Variants in HOMER1 observed in about 807,000 individuals in gnomAD.
The protein encoded by HOMER1 is homer scaffold protein 1.
In HOMER1, 3 loss-of-function variants were observed where a neutral mutation model predicts 48.9. The ratio of observed to expected loss-of-function variants is 0.06; its 90% CI spans 0.03 to 0.16. The LOEUF (loss-of-function observed/expected upper bound fraction) is 0.16, where lower values mean the gene tolerates loss of function less well. HOMER1 is among the 10% of genes least tolerant of loss of function. HOMER1 has a pLI of 1.00. For missense variants in HOMER1, 247 were observed against 411.4 expected, an observed-to-expected ratio of 0.60 and a Z score of 3.46; for synonymous variants, 134 against 146.4, an observed-to-expected ratio of 0.92 and a Z score of 0.61.
At chr5:79,502,709 T>C (rs1318550657) in intron 1 of HOMER1, among the ~76,000 whole-genome samples, 1 of 152,254 alleles carries the variant, frequency 6.6e-6, no homozygotes, top group Non-Finnish European at 1.5e-5. Context: ...GATTTTACAC[T>C]GACTACTCAG....
At chr5:79,433,187 A>G (rs1750470381) in intron 5 of HOMER1, among the ~76,000 whole-genome samples, 1 of 152,182 alleles carries the variant, frequency 6.6e-6, no homozygotes, top group African/African-American at 2.4e-5. Flanking sequence ...CACAGTGTGG[A>G]GAATATAGTA....
At chr5:79,380,818 C>T (rs891435772) in intron 8 of HOMER1, among the ~76,000 whole-genome samples, 4 of 152,152 alleles carry the variant, frequency 2.6e-5, no homozygotes, top group Non-Finnish European at 5.9e-5. Context: ...TTCCTGGCTG[C>T]TACCACCACA....
At chr5:79,512,566 T>C (rs1752972407) in intron 1 of HOMER1, among the ~76,000 whole-genome samples, 2 of 152,250 alleles carry the variant, frequency 1.3e-5, no homozygotes, top group Non-Finnish European at 2.9e-5. Context: ...AAACGATATA[T>C]GTGTTTTTAA....
At chr5:79,434,374 T>C (rs1189982684) in intron 5 of HOMER1, among the ~76,000 whole-genome samples, 1 of 152,020 alleles carries the variant, frequency 6.6e-6, no homozygotes, top group African/African-American at 2.4e-5. Context: ...TCTAGAATTC[T>C]AGACAGCTGA....
At chr5:79,412,211 T>A (rs1453514815) in intron 5 of HOMER1, among the ~76,000 whole-genome samples, 1 of 152,162 alleles carries the variant, frequency 6.6e-6, no homozygotes, top group African/African-American at 2.4e-5. Flanking sequence ...GTGGGGTCAA[T>A]CCCTAACTAT....
intron 5 of HOMER1, among the ~76,000 whole-genome samples, chr5:79,426,212 A>T (rs1020325119): frequency 5.9e-5 from 9 of 152,230 alleles, no homozygotes; most frequent in African/African-American, 2.2e-4. Context: ...AGAACTGTGG[A>T]TGTTCCTTAA....
Position 79,459,435 on chromosome 5 carries a change from T to C in HOMER1, c.6-2417A>G, listed in dbSNP as rs149062842. On this transcript the variant is annotated intron_variant, in intron 1 of 8. Coordinates refer to ENST00000334082, the MANE Select transcript of HOMER1 (RefSeq NM_004272.5). ...GCCATTTGAATATCAACTAAATACA[T>C]AGCTTTCTTTAATTCTCTTCTGAAC... Among the ~76,000 whole-genome samples the C allele has an allele frequency of 3.2e-4, 48 of 152,314 alleles. No homozygotes were observed. In the East Asian group the frequency reaches 9.1e-3, roughly 29 times the overall value.
intron 4 of HOMER1, among the ~76,000 whole-genome samples, chr5:79,445,824 G>C (rs1184991582): frequency 1.3e-5 from 2 of 152,212 alleles, no homozygotes; most frequent in Non-Finnish European, 2.9e-5. Flanking sequence ...TGAGGCATGA[G>C]AATCACTTGA....
At chr5:79,456,817 A>C in intron 2 of HOMER1, 45 bp downstream of exon 2, 2 of 1,580,998 alleles carry the variant, frequency 1.3e-6, no homozygotes, top group Non-Finnish European at 1.7e-6. Flanking sequence ...TGTCATACTG[A>C]AAAAAGCAAA....
At chr5:79,503,725 CA>C (rs34548421) in intron 1 of HOMER1, among the ~76,000 whole-genome samples, 34,101 of 122,846 alleles carry the variant, frequency 0.28, 4,220 homozygotes, top group African/African-American at 0.36. Context: ...ACTCTGCCTC[CA>C]AAAAAAAAAA....
intron 5 of HOMER1, among the ~76,000 whole-genome samples, chr5:79,405,412 A>T (rs1456919541): frequency 6.6e-6 from 1 of 152,204 alleles, no homozygotes; most frequent in African/African-American, 2.4e-5. Context: ...TAATTTTTTA[A>T]ACCCACATTA....
At chr5:79,457,046 C>G in intron 1 of HOMER1, 28 bp from the exon 2 acceptor site, 1 of 1,610,062 alleles carries the variant, frequency 6.2e-7, no homozygotes, top group Non-Finnish European at 8.5e-7. Context: ...AAATGATGGA[C>G]TGAAAGCAGC....
At chr5:79,486,267 T>G (rs1225804628) in intron 1 of HOMER1, among the ~76,000 whole-genome samples, 1 of 152,214 alleles carries the variant, frequency 6.6e-6, no homozygotes, top group Non-Finnish European at 1.5e-5. Flanking sequence ...AAATTGCACA[T>G]TTGTAAGCTA....
intron 1 of HOMER1, among the ~76,000 whole-genome samples, chr5:79,489,479 C>G (rs569374759): frequency 8.7e-4 from 133 of 152,188 alleles, no homozygotes; most frequent in African/African-American, 3.0e-3. Context: ...ATTGCTTGAA[C>G]CCAGGAGGCG....
At chr5:79,400,749 T>G (rs1162079446) in intron 6 of HOMER1, among the ~76,000 whole-genome samples, 1 of 147,418 alleles carries the variant, frequency 6.8e-6, no homozygotes, top group Non-Finnish European at 1.5e-5. Flanking sequence ...CTTCTTTTTT[T>G]TTTTTGTTTT....
chr5:79,381,330 G>A (rs1226231659), intron 8 of HOMER1, among the ~76,000 whole-genome samples: 2 of 152,190 alleles, frequency 1.3e-5, no homozygotes, highest in African/African-American at 2.4e-5. Flanking sequence ...ATCCAATAGC[G>A]TAGATACATC....
rs1266874740 is a variant in HOMER1, at chr5:79,485,078, A to AAAACC, written c.5+27691_5+27692insGGTTT. Among the ~76,000 whole-genome samples the AAAACC allele has an allele frequency of 2.2e-4, 7 of 31,720 alleles. No individual in the cohort carries two copies. In the African/African-American group the frequency reaches 6.5e-3, roughly 29 times the overall value. 20.8% of individuals were successfully genotyped at this position (31,720 alleles called of 152,430 possible). ...ATCTTGTTAGAACTGTGTCAAAAGT[A>AAAACC]AAACAAAACAAAACAAAACAAAACA... On this transcript the variant is annotated intron_variant, in intron 1 of 8. Transcript: ENST00000334082.
chr5:79,405,647 C>T (rs912388880), intron 5 of HOMER1, among the ~76,000 whole-genome samples: 8 of 152,132 alleles, frequency 5.3e-5, no homozygotes, highest in African/African-American at 1.9e-4. Context: ...AGTTATTACA[C>T]CCATCCTTTC....
At chr5:79,422,339 C>G (rs1427255860) in intron 5 of HOMER1, among the ~76,000 whole-genome samples, 2 of 151,998 alleles carry the variant, frequency 1.3e-5, no homozygotes, top group Non-Finnish European at 2.9e-5. Context: ...TGAATTTCAA[C>G]TACACATTTT....
Sources: gnomAD v4.1 joint callset for allele counts (sites outside exome capture counted in the v4.1 genomes callset) on GRCh38, gnomAD v4.1.1 for gene constraint, MANE v1.5 for transcripts, NCBI Gene and HGNC (gene_info 2026-07-23, HGNC 2026-07-21) for gene names.